The following NECAB2 variants were observed in gnomAD, a reference collection of about 807,000 sequenced individuals.
The protein encoded by NECAB2 is N-terminal EF-hand calcium-binding protein 2.
A neutral mutation model predicts 51.9 loss-of-function variants in NECAB2; 68 were observed. The observed-to-expected ratio is 1.31, with a 90% CI of 1.08 to 1.60. NECAB2 has a LOEUF of 1.60. NECAB2 is among the 40% of genes most tolerant of loss of function. The probability of loss-of-function intolerance (pLI) is 0.00; values close to 1 mark genes in which losing one functional copy is unlikely to be tolerated. For synonymous variants in NECAB2, 329 were observed against 203.5 expected (o/e 1.62, Z -5.25); for missense variants, 854 against 490.3 (o/e 1.74, Z -7.00).
Position 83,976,677 on chromosome 16 carries a change from G to A in NECAB2, c.227-1767G>A, listed in dbSNP as rs181702202. On this transcript the variant is annotated intron_variant, in intron 2 of 12. Coordinates refer to ENST00000305202, the MANE Select transcript of NECAB2 (RefSeq NM_019065.3). Reference sequence around the variant, plus strand: ...TTGAAAGACAGAAATTCTTCCCACTGTAACCTTGAAATCTGAGCTGCGATG... The same window carrying A: ...TTGAAAGACAGAAATTCTTCCCACTATAACCTTGAAATCTGAGCTGCGATG... Among the ~76,000 whole-genome samples the A allele has an allele frequency of 5.7e-4, 84 of 147,090 alleles. 1 individual carries two copies. The highest frequency in any genetic ancestry group is 5.5e-3 in the Admixed American group (83 of 15,068).
chr16:83,985,839 T>G (rs1441737833), intron 5 of NECAB2, among the ~76,000 whole-genome samples: 1 of 152,162 alleles, frequency 6.6e-6, no homozygotes, highest in African/African-American at 2.4e-5. Context: ...TGTGTTTGTT[T>G]TTGTAACTAC....
rs529812377 is a variant in NECAB2 at position 83,992,697 on chromosome 16, C to T, written c.597-1605C>T. ...GTTTCCCAAATGAGTTTGATCTGAG[C>T]ATTTGCGCTGAATCACCTGGGAAAA... On this transcript the variant is annotated intron_variant, in intron 6 of 12. Transcript: ENST00000305202. Among the ~76,000 whole-genome samples, 11 of 152,224 alleles carry T rather than the reference C, an allele frequency of 7.2e-5. No individual in the cohort carries two copies. The South Asian group carries it at 1.2e-3, about 17-fold the overall frequency.
At chr16:83,998,612 C>T (rs2084756328) in intron 10 of NECAB2, among the ~76,000 whole-genome samples, 3 of 152,202 alleles carry the variant, frequency 2.0e-5, no homozygotes, top group Admixed American at 6.5e-5. Context: ...GTGTGTGAAT[C>T]TCAAGTGTGA....
chr16:83,999,321 G>A (rs542732364), intron 10 of NECAB2, among the ~76,000 whole-genome samples: 1 of 152,324 alleles, frequency 6.6e-6, no homozygotes, highest in South Asian at 2.1e-4. Flanking sequence ...AGGAGCAGGG[G>A]CCAGACTTGA....
chr16:84,000,072 TA>T lies in NECAB2; in HGVS notation c.963-649del, dbSNP rs1231181722. Among the ~76,000 whole-genome samples, 22 of 123,958 alleles carry T rather than the reference TA, an allele frequency of 1.8e-4. 1 individual carries two copies. Among genetic ancestry groups the T allele is most frequent in the African/African-American group, 1.1e-3 (20 of 18,168 alleles). The allele number at this position is 123,958 out of a possible 152,430, so 81.3% of individuals were successfully genotyped here. On this transcript the variant is annotated intron_variant, in intron 10 of 12. Coordinates refer to ENST00000305202, the MANE Select transcript of NECAB2 (RefSeq NM_019065.3). ...CAGCAAGTTTTATTTTTTTTTTTTTTAAAGAGACAGTGTTTTGCCATGTTGG... is the reference window on the plus strand; with the variant it reads ...CAGCAAGTTTTATTTTTTTTTTTTTTAAGAGACAGTGTTTTGCCATGTTGG...
upstream of NECAB2, chr16:83,965,348 G>C (rs771942326): frequency 1.3e-6 from 2 of 1,571,808 alleles, no homozygotes; most frequent in East Asian, 2.2e-5. Flanking sequence ...GGGCATCCCC[G>C]GGGAGGCCCT....
chr16:83,992,893 A>G (rs1433306748), intron 6 of NECAB2, among the ~76,000 whole-genome samples: 1 of 152,064 alleles, frequency 6.6e-6, no homozygotes, highest in East Asian at 1.9e-4. Context: ...TCCTGTTACT[A>G]TCTTGATGAA....
At position 84,000,804 on chromosome 16, in the gene NECAB2, G is replaced by A. The variant is rs1315051204; in HGVS notation, c.1040+3G>A. On this transcript the variant is annotated splice_donor_region_variant and intron_variant, in intron 11 of 12. Coordinates refer to ENST00000305202, the MANE Select transcript of NECAB2 (RefSeq NM_019065.3). ...GAGACAGAGGAGGCGTGGAAGAGGTGAGATGCTGGGTCCCCACAGCAGGTG... is the reference window on the plus strand; with the variant it reads ...GAGACAGAGGAGGCGTGGAAGAGGTAAGATGCTGGGTCCCCACAGCAGGTG... 2 of 1,613,268 alleles carry A rather than the reference G, an allele frequency of 1.2e-6. No individual in the cohort carries two copies. The highest frequency in any genetic ancestry group is 1.3e-5 in the African/African-American group (1 of 74,904).
In NECAB2 at chr16:83,978,433, C is replaced by G; in HGVS notation, c.227-11C>G. On this transcript the variant is annotated splice_polypyrimidine_tract_variant and intron_variant, in intron 2 of 12. Coordinates refer to ENST00000305202, the MANE Select transcript of NECAB2 (RefSeq NM_019065.3). ...AGACACCAGCTCCTTTCTCTGCTTCCTTCCTTGCAGATGATGGGAAGCTGT... is the reference window on the plus strand; with the variant it reads ...AGACACCAGCTCCTTTCTCTGCTTCGTTCCTTGCAGATGATGGGAAGCTGT... 1 of 1,611,536 alleles carries G rather than the reference C, an allele frequency of 6.2e-7. No homozygotes were observed. Among genetic ancestry groups the G allele is most frequent in the Non-Finnish European group, 8.5e-7 (1 of 1,178,014 alleles).
At chr16:83,968,969 C>A in intron 1 of NECAB2, 120 bp downstream of exon 1, 1 of 535,558 alleles carries the variant, frequency 1.9e-6, no homozygotes, top group Non-Finnish European at 2.5e-6. Flanking sequence ...GGGCAGGAGA[C>A]CCCCGGCCCC....
chr16:83,965,298 T>C (rs1455143283), upstream of NECAB2: 1 of 1,598,626 alleles, frequency 6.3e-7, no homozygotes, highest in Non-Finnish European at 8.5e-7. Flanking sequence ...GCCCGCAACG[T>C]GGTCCTCGCC....
At chr16:83,970,244 G>A (rs1278403394) in intron 1 of NECAB2, among the ~76,000 whole-genome samples, 1 of 152,116 alleles carries the variant, frequency 6.6e-6, no homozygotes, top group Admixed American at 6.5e-5. Flanking sequence ...TCCTGGAGCT[G>A]GCTGACATTA....
intron 6 of NECAB2, among the ~76,000 whole-genome samples, chr16:83,991,809 C>G (rs967183641): frequency 6.7e-6 from 1 of 150,126 alleles, no homozygotes; most frequent in Non-Finnish European, 1.5e-5. Flanking sequence ...CCCACCCACA[C>G]CCAGCTATTT....
In NECAB2 at chr16:84,002,302, G is replaced by A. The variant is rs753564109; in HGVS notation, c.1133-16G>A. On this transcript the variant is annotated splice_polypyrimidine_tract_variant and intron_variant, in intron 12 of 12. Transcript: ENST00000305202. ...CATTCGCACTCCTTCCCTCTAACGT[G>A]TCTCTCTCCTTTTAGCTGCTTGGTG... 1 of 1,613,760 alleles carries A rather than the reference G, an allele frequency of 6.2e-7. No individual in the cohort carries two copies. The highest frequency in any genetic ancestry group is 8.5e-7 in the Non-Finnish European group (1 of 1,179,792).
At chr16:83,976,585 A>G (rs1015437999) in intron 2 of NECAB2, among the ~76,000 whole-genome samples, 1 of 151,924 alleles carries the variant, frequency 6.6e-6, no homozygotes, top group African/African-American at 2.4e-5. Context: ...GCGGACTTTT[A>G]GTTGTTAGGT....
intron 6 of NECAB2, among the ~76,000 whole-genome samples, chr16:83,994,075 G>C (rs1344965010): frequency 6.6e-6 from 1 of 152,204 alleles, no homozygotes; most frequent in East Asian, 1.9e-4. Flanking sequence ...TCCTAGAATG[G>C]AGCTGAATTC....
intron 9 of NECAB2, among the ~76,000 whole-genome samples, chr16:83,997,833 G>C (rs950841082): frequency 2.0e-5 from 3 of 152,122 alleles, no homozygotes; most frequent in Admixed American, 1.3e-4. Flanking sequence ...GTTTGGCATA[G>C]AGCAAAGTGA....
intron 1 of NECAB2, chr16:83,971,814 G>C: frequency 4.2e-6 from 2 of 480,062 alleles, no homozygotes; most frequent in Non-Finnish European, 7.5e-6. Context: ...GCAGCTGAGC[G>C]TTTGGCGGTG....
At chr16:83,975,759 C>A (rs572414626) in intron 2 of NECAB2, among the ~76,000 whole-genome samples, 3 of 152,110 alleles carry the variant, frequency 2.0e-5, no homozygotes, top group African/African-American at 7.2e-5. Context: ...CTGACAGGCT[C>A]TTGGCATTTG....
Sources: gnomAD v4.1 joint callset for allele counts (sites outside exome capture counted in the v4.1 genomes callset) on GRCh38, gnomAD v4.1.1 for gene constraint, MANE v1.5 for transcripts, NCBI Gene and HGNC (gene_info 2026-07-23, HGNC 2026-07-21) for gene names.